SLC35F4: variants seen among roughly 807,000 people sequenced by gnomAD.
The protein encoded by SLC35F4 is solute carrier family 35 member F4, also known as chromosome 14 open reading frame 36.
Under a neutral mutation model 44.2 loss-of-function variants are expected in SLC35F4, and 24 were observed. The ratio of observed to expected loss-of-function variants is 0.54; its 90% CI spans 0.39 to 0.76. The LOEUF (loss-of-function observed/expected upper bound fraction) is 0.76, where lower values mean the gene tolerates loss of function less well. Among genes scored for constraint, SLC35F4 ranks in the 30% least tolerant of loss-of-function variants. The pLI, the probability that SLC35F4 is intolerant of heterozygous loss-of-function variation, is 0.00. For synonymous variants in SLC35F4, 238 were observed against 223.6 expected, an observed-to-expected ratio of 1.06 and a Z score of -0.57; for missense variants, 562 against 586.1, an observed-to-expected ratio of 0.96 and a Z score of 0.42.
At chr14:57,857,440 C>A (rs1048717270) in intron 1 of SLC35F4, among the ~76,000 whole-genome samples, 66 of 151,962 alleles carry the variant, frequency 4.3e-4, no homozygotes, top group Admixed American at 1.7e-3. Flanking sequence ...TCATTCATTG[C>A]TGGTATTTTT....
At chr14:57,656,901 T>C (rs2073989477) in intron 1 of SLC35F4, among the ~76,000 whole-genome samples, 1 of 152,188 alleles carries the variant, frequency 6.6e-6, no homozygotes. Flanking sequence ...TTTAACACAA[T>C]TGTCACCATC....
chr14:57,639,826 G>A (rs1176616375), intron 1 of SLC35F4, among the ~76,000 whole-genome samples: 1 of 151,880 alleles, frequency 6.6e-6, no homozygotes, highest in Admixed American at 6.6e-5. Flanking sequence ...AGGAAGTTGG[G>A]CCTTACTGAT....
chr14:57,978,557 T>C (rs1881284332), intron 1 of SLC35F4, among the ~76,000 whole-genome samples: 1 of 152,208 alleles, frequency 6.6e-6, no homozygotes, highest in Non-Finnish European at 1.5e-5. Flanking sequence ...ACATGGCTTG[T>C]TAAAGGCTCA....
At chr14:57,786,590 G>A (rs1205667016) in intron 1 of SLC35F4, among the ~76,000 whole-genome samples, 2 of 152,126 alleles carry the variant, frequency 1.3e-5, no homozygotes, top group African/African-American at 2.4e-5. Context: ...CACATCACAG[G>A]ACTCTATGCA....
chr14:57,981,912 C>A (rs1167889546), intron 1 of SLC35F4: 1 of 152,166 alleles, frequency 6.6e-6, no homozygotes, highest in East Asian at 1.9e-4. Context: ...GTATTACTTA[C>A]AAAAGTTTTT....
At chr14:57,639,492 T>G (rs2073142112) in intron 1 of SLC35F4, among the ~76,000 whole-genome samples, 1 of 151,990 alleles carries the variant, frequency 6.6e-6, no homozygotes, top group African/African-American at 2.4e-5. Flanking sequence ...TCAGATTGGG[T>G]TTACCAAAAC....
chr14:57,794,432 CAT>C (rs201571547), intron 1 of SLC35F4, among the ~76,000 whole-genome samples: 1,601 of 152,062 alleles, frequency 0.011, 26 homozygotes, highest in African/African-American at 0.036. Context: ...GGCCAACAAA[CAT>C]ATGAAAAAAT....
intron 1 of SLC35F4, among the ~76,000 whole-genome samples, chr14:57,876,281 T>C (rs1456056066): frequency 8.0e-6 from 1 of 124,388 alleles, no homozygotes; most frequent in East Asian, 2.3e-4. Flanking sequence ...AACTTACCCT[T>C]TGTGCTTACC....
rs569971322 is a variant in SLC35F4 at position 57,797,913 on chromosome 14, A to G, written c.103+67810T>C. On this transcript the variant is annotated intron_variant, in intron 1 of 7. Transcript: ENST00000556826. ...GACCAACAGGATATTAGTGAAAGTA[A>G]TACAAAGTAGAGACATAAAATGTGC... Among the ~76,000 whole-genome samples the G allele has an allele frequency of 2.5e-3, 376 of 152,184 alleles. 1 individual carries two copies. Among genetic ancestry groups the G allele is most frequent in the African/African-American group, 8.5e-3 (353 of 41,526 alleles).
At chr14:57,853,509 C>A (rs1446924317) in intron 1 of SLC35F4, among the ~76,000 whole-genome samples, 1 of 152,202 alleles carries the variant, frequency 6.6e-6, no homozygotes, top group Non-Finnish European at 1.5e-5. Flanking sequence ...GATTGGGAAA[C>A]TTGACCCTGC....
chr14:57,689,728 G>T (rs937045315), intron 1 of SLC35F4, among the ~76,000 whole-genome samples: 9 of 137,438 alleles, frequency 6.5e-5, no homozygotes, highest in African/African-American at 2.4e-4. Flanking sequence ...CACACACCGG[G>T]GCCTGTTGTG....
chr14:57,717,972 C>A (rs1307957815), intron 1 of SLC35F4, among the ~76,000 whole-genome samples: 2 of 152,188 alleles, frequency 1.3e-5, no homozygotes, highest in Non-Finnish European at 2.9e-5. Context: ...ACTCTTGTAA[C>A]TACTTTTTTG....
At chr14:57,694,884 G>C (rs1348276214) in intron 1 of SLC35F4, among the ~76,000 whole-genome samples, 1 of 151,904 alleles carries the variant, frequency 6.6e-6, no homozygotes, top group Non-Finnish European at 1.5e-5. Context: ...TAATATAGTA[G>C]CCTTGATAAA....
At chr14:57,771,344 A>G (rs987093582) in intron 1 of SLC35F4, among the ~76,000 whole-genome samples, 1 of 152,144 alleles carries the variant, frequency 6.6e-6, no homozygotes, top group Non-Finnish European at 1.5e-5. Context: ...CCTTCCATCC[A>G]TAAGTGGGGC....
At chr14:57,899,326 G>T (rs1888950111) in intron 1 of SLC35F4, among the ~76,000 whole-genome samples, 1 of 152,112 alleles carries the variant, frequency 6.6e-6, no homozygotes, top group South Asian at 2.1e-4. Flanking sequence ...CTTGCCCCAG[G>T]TCCCAGAGAG....
In SLC35F4 at chr14:57,907,300, C is replaced by A. The variant is rs149629539; in HGVS notation, n.282+74613G>T. ...TACAGTTTAGTGTAAACATAACTTTCATATGCACTGGAAAAACAAAATCTG... is the reference window on the plus strand; with the variant it reads ...TACAGTTTAGTGTAAACATAACTTTAATATGCACTGGAAAAACAAAATCTG... On this transcript the variant is annotated intron_variant and non_coding_transcript_variant, in intron 1 of 1. Coordinates refer to the SLC35F4 transcript ENST00000556568. Among the ~76,000 whole-genome samples, 11 of 152,252 alleles carry A rather than the reference C, an allele frequency of 7.2e-5. No homozygotes were observed. The East Asian group carries it at 2.1e-3, about 29-fold the overall frequency.
chr14:57,867,303 G>C (rs1353346902), upstream of SLC35F4, among the ~76,000 whole-genome samples: 1 of 152,050 alleles, frequency 6.6e-6, no homozygotes, highest in Non-Finnish European at 1.5e-5. Flanking sequence ...TTTTCTAAAA[G>C]GTAAATTAGG....
intron 1 of SLC35F4, among the ~76,000 whole-genome samples, chr14:57,702,979 A>G (rs921449191): frequency 1.3e-5 from 2 of 152,170 alleles, no homozygotes; most frequent in Admixed American, 6.6e-5. Flanking sequence ...ATACACACAC[A>G]TACACACATA....
chr14:57,910,392 G>A (rs1889194517), intron 1 of SLC35F4, among the ~76,000 whole-genome samples: 2 of 151,876 alleles, frequency 1.3e-5, no homozygotes, highest in Admixed American at 1.3e-4. Context: ...GGTCACTTAG[G>A]CCTTATCCAA....
Sources: allele counts gnomAD v4.1 joint callset (sites outside exome capture counted in the v4.1 genomes callset), GRCh38; gene constraint gnomAD v4.1.1; transcripts MANE v1.5; gene names NCBI Gene and HGNC (gene_info 2026-07-23, HGNC 2026-07-21).